NCOA2: variants seen among roughly 807,000 people sequenced by gnomAD.
The protein encoded by NCOA2 is nuclear receptor coactivator 2.
NCOA2 carries 21 observed loss-of-function variants against 145.1 expected under a neutral mutation model. That is an observed-to-expected ratio of 0.14 (90% CI 0.10 to 0.21). The LOEUF (loss-of-function observed/expected upper bound fraction) is 0.21, where lower values mean the gene tolerates loss of function less well. NCOA2 is among the 10% of genes least tolerant of loss of function. The pLI is 1.00. For missense variants in NCOA2, 1,472 were observed against 1,837.6 expected (o/e 0.80, Z 3.64); for synonymous variants, 619 against 637.5 (o/e 0.97, Z 0.44).
intron 1 of NCOA2, among the ~76,000 whole-genome samples, chr8:70,374,790 T>A (rs1342490723): frequency 2.7e-5 from 4 of 148,252 alleles, no homozygotes; most frequent in African/African-American, 5.0e-5. Flanking sequence ...AAAGATGCTG[T>A]CTCTTTAAAA....
chr8:70,166,465 C>T (rs1813629616), intron 7 of NCOA2, 101 bp downstream of exon 7: 8 of 1,309,718 alleles, frequency 6.1e-6, no homozygotes, highest in Non-Finnish European at 8.7e-6. Context: ...AAAGATACTG[C>T]CTCCTCACTT....
At chr8:70,195,275 G>A (rs994450232) in intron 4 of NCOA2, among the ~76,000 whole-genome samples, 6 of 152,198 alleles carry the variant, frequency 3.9e-5, no homozygotes, top group African/African-American at 1.4e-4. Context: ...AGGGAAGGGT[G>A]TCTCTTTAAG....
In NCOA2 at chr8:70,350,922, T is replaced by C. The variant is rs547992547; in HGVS notation, c.-77+52778A>G. Among the ~76,000 whole-genome samples the C allele has an allele frequency of 5.9e-5, 9 of 152,282 alleles. No individual in the cohort carries two copies. The South Asian group carries it at 1.9e-3, about 32-fold the overall frequency. ...ACTCAGTAATTTATAAAGCAATTTG[T>C]TTTTCACAGTTCTGGAAGCAGGGAA... On this transcript the variant is annotated intron_variant, in intron 1 of 22. Transcript: ENST00000452400.
chr8:70,421,675 T>C, the NCOA2 span, among the ~76,000 whole-genome samples: 4 of 151,714 alleles, frequency 2.6e-5, no homozygotes, highest in Non-Finnish European at 5.9e-5. Flanking sequence ...ATTGGCATGT[T>C]TAGGTGTATT....
intron 18 of NCOA2, 51 bp from the exon 19 acceptor site, chr8:70,127,098 TA>T: frequency 2.2e-6 from 3 of 1,346,442 alleles, no homozygotes; most frequent in African/African-American, 1.4e-5. Flanking sequence ...AGACATAGAT[TA>T]AAAAACAAAG....
At chr8:70,391,611 A>G (rs1276415573) in intron 1 of NCOA2, among the ~76,000 whole-genome samples, 1 of 152,250 alleles carries the variant, frequency 6.6e-6, no homozygotes, top group Non-Finnish European at 1.5e-5. Context: ...ATTTCCTAAC[A>G]GTTCTGGAGA....
chr8:70,196,468 G>A (rs1029925621), intron 4 of NCOA2, among the ~76,000 whole-genome samples: 122 of 152,314 alleles, frequency 8.0e-4, no homozygotes, highest in African/African-American at 2.6e-3. Context: ...GGTTAGAAAT[G>A]CTTAGATGTG....
intron 2 of NCOA2, among the ~76,000 whole-genome samples, chr8:70,269,705 C>T (rs528473420): frequency 1.3e-5 from 2 of 152,188 alleles, no homozygotes; most frequent in South Asian, 4.1e-4. Context: ...GACAAACTAA[C>T]AACTTCAATC....
chr8:70,177,176 C>T lies in NCOA2; in HGVS notation c.260-2317G>A, dbSNP rs16936797. On this transcript the variant is annotated intron_variant, in intron 4 of 22. Transcript: ENST00000452400. ...GTGATTCTCAAAATGCAATGGTAAA[C>T]ATGAGAAGACAACCTCCCTGGAGGG... Among the ~76,000 whole-genome samples the T allele has an allele frequency of 3.8e-3, 586 of 152,272 alleles. 9 individuals carry two copies. Among genetic ancestry groups the T allele is most frequent in the African/African-American group, 0.014 (563 of 41,542 alleles).
chr8:70,151,123 T>C (rs1313615356), intron 11 of NCOA2, among the ~76,000 whole-genome samples: 3 of 152,204 alleles, frequency 2.0e-5, no homozygotes, highest in Non-Finnish European at 2.9e-5. Flanking sequence ...GAGAAAGCTC[T>C]GCAGATTACT....
At chr8:70,383,783 G>A (rs1271037534) in intron 1 of NCOA2, among the ~76,000 whole-genome samples, 1 of 152,146 alleles carries the variant, frequency 6.6e-6, no homozygotes, top group Non-Finnish European at 1.5e-5. Flanking sequence ...GAGATTACAG[G>A]CGTGAGCCAC....
chr8:70,165,712 A>G (rs942188537), intron 7 of NCOA2, among the ~76,000 whole-genome samples: 1 of 152,172 alleles, frequency 6.6e-6, no homozygotes, highest in African/African-American at 2.4e-5. Context: ...TCCTCTCTTT[A>G]GTACCATTGT....
At chr8:70,252,253 G>A (rs1823251933) in intron 2 of NCOA2, among the ~76,000 whole-genome samples, 1 of 152,166 alleles carries the variant, frequency 6.6e-6, no homozygotes, top group Admixed American at 6.5e-5. Flanking sequence ...GTAACTGAAA[G>A]CAGAGAGAAG....
At chr8:70,129,579 C>T (rs1031017749) in intron 16 of NCOA2, among the ~76,000 whole-genome samples, 2 of 152,176 alleles carry the variant, frequency 1.3e-5, no homozygotes, top group African/African-American at 4.8e-5. Context: ...CTATTATCTA[C>T]TGCTTTCTGT....
intron 9 of NCOA2, among the ~76,000 whole-genome samples, chr8:70,160,398 TTAATA>T (rs749968289): frequency 1.3e-5 from 2 of 152,278 alleles, no homozygotes; most frequent in Non-Finnish European, 2.9e-5. Context: ...ATCAACTAGG[TTAATA>T]TAATTTCTCT....
rs899194298 is a variant in NCOA2 at position 70,160,875 on chromosome 8, T to C, written c.977-1223A>G. ...AGTACTGAAAATGAATTACTGAACA[T>C]GTGAGTATCTTGCTTTGCACAAAGT... On this transcript the variant is annotated intron_variant, in intron 9 of 22. Coordinates refer to ENST00000452400, the MANE Select transcript of NCOA2 (RefSeq NM_006540.4). 5.1e-4 allele frequency among the ~76,000 whole-genome samples: 78 copies of C among 152,346 alleles called. 1 individual carries two copies. Among genetic ancestry groups the C allele is most frequent in the Admixed American group, 2.6e-4 (4 of 15,300 alleles).
chr8:70,294,091 T>C (rs1020430136), intron 2 of NCOA2, among the ~76,000 whole-genome samples: 1 of 152,142 alleles, frequency 6.6e-6, no homozygotes, highest in African/African-American at 2.4e-5. Context: ...TATTTTTACA[T>C]AGTATGTCCT....
chr8:70,293,737 C>A (rs1266422477), intron 2 of NCOA2, among the ~76,000 whole-genome samples: 2 of 152,158 alleles, frequency 1.3e-5, no homozygotes, highest in African/African-American at 4.8e-5. Flanking sequence ...ATAACTCTTG[C>A]TCCTGTTTTG....
At chr8:70,424,343 T>C in the NCOA2 span, 1 of 375,896 alleles carries the variant, frequency 2.7e-6, no homozygotes, top group Non-Finnish European at 5.2e-6. Context: ...AAGAACCAGT[T>C]GGGGATCTTG....
Sources: allele counts gnomAD v4.1 joint callset (sites outside exome capture counted in the v4.1 genomes callset), GRCh38; gene constraint gnomAD v4.1.1; transcripts MANE v1.5; gene names NCBI Gene and HGNC (gene_info 2026-07-23, HGNC 2026-07-21).